The following ZNF676 variants were observed in gnomAD, a reference collection of about 807,000 sequenced individuals.
ZNF676 encodes zinc finger protein 676.
ZNF676 carries 4 observed loss-of-function variants against 6.0 expected under a neutral mutation model. That is an observed-to-expected ratio of 0.67 (90% CI 0.33 to 1.53). The LOEUF (loss-of-function observed/expected upper bound fraction) is 1.53, where lower values mean the gene tolerates loss of function less well. Among genes scored for constraint, ZNF676 ranks in the 40% most tolerant of loss-of-function variants. ZNF676 has a pLI of 0.06. For missense variants in ZNF676, 644 were observed against 679.7 expected (o/e 0.95, Z 0.58); for synonymous variants, 198 against 223.1 (o/e 0.89, Z 1.00).
chr19:22,234,479 G>A, the ZNF676 span, among the ~76,000 whole-genome samples: 395 of 152,198 alleles, frequency 2.6e-3, 4 homozygotes, highest in African/African-American at 9.0e-3. Flanking sequence ...TGGTTAGATG[G>A]GTCAGAAAGC....
At chr19:22,215,741 T>C in exon 1 of ZNF676, 2 of 1,413,362 alleles carry the variant, frequency 1.4e-6, no homozygotes, top group Non-Finnish European at 1.9e-6. Context: ...GACAAGGCCT[T>C]TACCTCCGGC....
the ZNF676 span, among the ~76,000 whole-genome samples, chr19:22,234,314 G>A: frequency 6.6e-6 from 1 of 152,162 alleles, no homozygotes; most frequent in East Asian, 1.9e-4. Context: ...AGTGCAGGCT[G>A]GGGGAGAGAA....
upstream of ZNF676, among the ~76,000 whole-genome samples, chr19:22,218,128 C>A (rs994500059): frequency 6.6e-6 from 1 of 151,906 alleles, no homozygotes; most frequent in Non-Finnish European, 1.5e-5. Context: ...ATTTGTATAT[C>A]TTCTTTTGAG....
the ZNF676 span, among the ~76,000 whole-genome samples, chr19:22,222,274 T>C: frequency 1.3e-5 from 2 of 151,968 alleles, no homozygotes; most frequent in Non-Finnish European, 2.9e-5. Flanking sequence ...ATGGCTAATT[T>C]TTGTGTTTTT....
chr19:22,187,580 AT>A (rs1025529388), intron 2 of ZNF676, among the ~76,000 whole-genome samples: 75 of 149,000 alleles, frequency 5.0e-4, no homozygotes, highest in East Asian at 2.4e-3. Flanking sequence ...TCCAGGAGCT[AT>A]TTTTTTTTTC....
chr19:22,235,028 G>GAAAGAAAGAAAAGA, the ZNF676 span, among the ~76,000 whole-genome samples: 6 of 62,322 alleles, frequency 9.6e-5, no homozygotes, highest in African/African-American at 1.4e-4. Flanking sequence ...AAGAAAGAAA[G>GAAAGAAAGAAAAGA]AAAGAAAAGA....
At chr19:22,212,210 AAAAAG>A (rs774184961) in intron 1 of ZNF676, among the ~76,000 whole-genome samples, 4 of 150,724 alleles carry the variant, frequency 2.7e-5, no homozygotes, top group Non-Finnish European at 5.9e-5. Context: ...AAAAAAAAAA[AAAAAG>A]AAAAGAAAAG....
chr19:22,255,794 G>A, the ZNF676 span, among the ~76,000 whole-genome samples: 14 of 151,314 alleles, frequency 9.3e-5, no homozygotes, highest in African/African-American at 2.2e-4. Flanking sequence ...GCAGTGAGCC[G>A]AGATAGTGCC....
chr19:22,238,922 G>T, the ZNF676 span, among the ~76,000 whole-genome samples: 1 of 152,126 alleles, frequency 6.6e-6, no homozygotes, highest in East Asian at 1.9e-4. Context: ...CCAGATTAAG[G>T]GTGAGTCTGC....
At chr19:22,244,066 C>A in the ZNF676 span, 2 of 147,088 alleles carry the variant, frequency 1.4e-5, no homozygotes, top group Non-Finnish European at 3.0e-5. Flanking sequence ...TGAGAGGGAG[C>A]CTCATCTCAC....
intron 1 of ZNF676, among the ~76,000 whole-genome samples, chr19:22,214,598 C>CAAAAA (rs71924274): frequency 1.1e-5 from 1 of 86,966 alleles, no homozygotes; most frequent in African/African-American, 3.6e-5. Flanking sequence ...GACTTGGTCT[C>CAAAAA]AAAAAAAAAA....
At position 22,180,617 on chromosome 19, in the gene ZNF676, C is replaced by T; in HGVS notation, c.1100G>A (p.Cys367Tyr). ...IIHTGEKPYK[C>Y]EGCGKAFSKV... ...ACTAAAGGCTTTGCCACATCCTTCA[C>T]ATTTGTAGGGTTTCTCTCCAGTATG... is the stretch of plus-strand genomic sequence containing the variant. The change falls in exon 3 of 3, where the codon TGT becomes TAT. Residue 367 changes from cysteine (C) to tyrosine (Y), a missense_variant. By Grantham distance (194) the Cys-to-Tyr change is radical. Around this residue, in one of 5 missense-constraint regions of ZNF676, gnomAD observed 306 missense variants for 265.4 expected, o/e 1.15. Transcript: ENST00000397121. The T allele has an allele frequency of 1.2e-6, 2 of 1,612,690 alleles. No homozygotes were observed. The highest frequency in any genetic ancestry group is 1.7e-5 in the Admixed American group (1 of 59,890).
At chr19:22,219,538 A>C (rs377107835), upstream of ZNF676, among the ~76,000 whole-genome samples, 20 of 152,294 alleles carry the variant, frequency 1.3e-4, no homozygotes, top group African/African-American at 4.8e-4. Flanking sequence ...TGGCTAAGAC[A>C]TCCATTACTG....
chr19:22,242,447 G>A, the ZNF676 span, among the ~76,000 whole-genome samples: 15 of 151,888 alleles, frequency 9.9e-5, 1 homozygote, highest in African/African-American at 3.4e-4. Flanking sequence ...ATATTTCTTG[G>A]GTCATGATGC....
intron 2 of ZNF676, among the ~76,000 whole-genome samples, chr19:22,181,798 C>T (rs1369586565): frequency 1.3e-5 from 2 of 152,102 alleles, no homozygotes; most frequent in Non-Finnish European, 2.9e-5. Flanking sequence ...TAAGTGTGTG[C>T]ATTTCCTCAA....
At chr19:22,216,206 G>A (rs550763934), upstream of ZNF676, among the ~76,000 whole-genome samples, 2 of 152,166 alleles carry the variant, frequency 1.3e-5, no homozygotes, top group Non-Finnish European at 2.9e-5. Context: ...AGGCCGAGGC[G>A]GGTGGATCAC....
the ZNF676 span, among the ~76,000 whole-genome samples, chr19:22,229,533 A>G: frequency 6.6e-6 from 1 of 152,254 alleles, no homozygotes; most frequent in Non-Finnish European, 1.5e-5. Context: ...GCTTCTGCAC[A>G]GCAAAAGAAA....
chr19:22,215,592 C>A (rs1426648204), intron 1 of ZNF676: 16 of 1,608,274 alleles, frequency 9.9e-6, no homozygotes, highest in Admixed American at 3.3e-5. Flanking sequence ...TCCAACCAGC[C>A]CAGGCCACTC....
the ZNF676 span, among the ~76,000 whole-genome samples, chr19:22,224,236 A>C: frequency 6.7e-6 from 1 of 149,474 alleles, no homozygotes; most frequent in Non-Finnish European, 1.5e-5. Flanking sequence ...TTGCAGTTCT[A>C]TATGTGTGCT....
Sources: gnomAD v4.1 joint callset for allele counts (sites outside exome capture counted in the v4.1 genomes callset) on GRCh38, gnomAD v4.1.1 for gene constraint, gnomAD v4.1.1 regional missense constraint, MANE v1.5 for transcripts, NCBI Gene and HGNC (gene_info 2026-07-23, HGNC 2026-07-21) for gene names.